Variants in RBFOX1 observed in about 807,000 individuals in gnomAD.
RBFOX1 encodes the protein RNA binding protein fox-1 homolog 1.
In RBFOX1, 8 loss-of-function variants were observed where a neutral mutation model predicts 57.7. The ratio of observed to expected loss-of-function variants is 0.14; its 90% confidence interval spans 0.08 to 0.25. RBFOX1 has a LOEUF of 0.25. Among genes scored for constraint, RBFOX1 ranks in the 10% least tolerant of loss-of-function variants. The pLI, the probability that RBFOX1 is intolerant of heterozygous loss-of-function variation, is 1.00. For missense variants in RBFOX1, 611 were observed against 548.5 expected, an observed-to-expected ratio of 1.11 and a Z score of -1.14; for synonymous variants, 326 against 222.4, an observed-to-expected ratio of 1.47 and a Z score of -4.15.
intron 3 of RBFOX1, among the ~76,000 whole-genome samples, chr16:5,822,970 A>G (rs1221009405): frequency 6.6e-6 from 1 of 152,226 alleles, no homozygotes; most frequent in Non-Finnish European, 1.5e-5. Context: ...TGGTTGCTTC[A>G]GAGGTCTTAG....
At chr16:7,536,316 G>C (rs747709486) in intron 5 of RBFOX1, among the ~76,000 whole-genome samples, 1 of 152,220 alleles carries the variant, frequency 6.6e-6, no homozygotes, top group African/African-American at 2.4e-5. Context: ...ATTAGAGGCT[G>C]GGCGCGGTGG....
rs535344927 is a variant in RBFOX1 at position 7,223,575 on chromosome 16, G to C, written c.27+171477G>C. ...ATTTGCACAGCCAGTAATTGTGCAG[G>C]AGATCCAACTCACATCCACCTCAGC... On this transcript the variant is annotated intron_variant, in intron 4 of 15. Transcript: ENST00000550418. Among the ~76,000 whole-genome samples the C allele has an allele frequency of 2.0e-5, 3 of 152,232 alleles. No homozygotes were observed. The South Asian group carries it at 6.2e-4, about 32-fold the overall frequency.
chr16:6,504,262 G>A (rs552338861), intron 2 of RBFOX1, among the ~76,000 whole-genome samples: 1 of 152,278 alleles, frequency 6.6e-6, no homozygotes, highest in South Asian at 2.1e-4. Flanking sequence ...CTTCTCCACA[G>A]TCCACCTGTT....
chr16:5,704,194 G>A (rs2051153680), intron 3 of RBFOX1, among the ~76,000 whole-genome samples: 1 of 152,188 alleles, frequency 6.6e-6, no homozygotes, highest in African/African-American at 2.4e-5. Flanking sequence ...CCCAGATGGA[G>A]GAGGACAGGA....
At chr16:6,100,917 G>A (rs2096298838) in intron 1 of RBFOX1, among the ~76,000 whole-genome samples, 1 of 152,164 alleles carries the variant, frequency 6.6e-6, no homozygotes. Flanking sequence ...TCAGAGGGAT[G>A]ACTGTGTGGC....
At chr16:7,375,821 A>C (rs906677311) in intron 4 of RBFOX1, among the ~76,000 whole-genome samples, 1 of 152,206 alleles carries the variant, frequency 6.6e-6, no homozygotes, top group African/African-American at 2.4e-5. Flanking sequence ...CTTTGTAATT[A>C]AGACACTAGC....
chr16:5,908,543 C>G (rs34291200), intron 4 of RBFOX1, among the ~76,000 whole-genome samples: 55,864 of 151,236 alleles, frequency 0.37, 10,475 homozygotes, highest in Middle Eastern at 0.5. Flanking sequence ...AGTAGAGAAG[C>G]GTTTTCACCA....
At chr16:6,746,185 C>A (rs1186683544) in intron 3 of RBFOX1, among the ~76,000 whole-genome samples, 1 of 152,018 alleles carries the variant, frequency 6.6e-6, no homozygotes, top group African/African-American at 2.4e-5. Flanking sequence ...ATCTTAGTCT[C>A]CCCTAATTGA....
At chr16:5,401,764 T>TCCTCCTCCTCCTC (rs2066720222) in intron 1 of RBFOX1, among the ~76,000 whole-genome samples, 1 of 103,410 alleles carries the variant, frequency 9.7e-6, no homozygotes, top group African/African-American at 3.4e-5. Context: ...TCCCTGTCTC[T>TCCTCCTCCTCCTC]CTCCTCCTCC....
At chr16:6,169,859 G>A (rs929886980) in intron 1 of RBFOX1, among the ~76,000 whole-genome samples, 2 of 143,652 alleles carry the variant, frequency 1.4e-5, no homozygotes, top group Non-Finnish European at 3.1e-5. Context: ...CTGCCACCTG[G>A]GTTCAAGTGA....
In RBFOX1 at chr16:6,151,141, C is replaced by G. The variant is rs149427520; in HGVS notation, c.-127+131149C>G. 7.9e-4 allele frequency among the ~76,000 whole-genome samples: 120 copies of G among 152,264 alleles called. 1 individual carries two copies. The East Asian group carries it at 0.021, about 27-fold the overall frequency. ...CTCCATAAATACATATTTGCTGAAT[C>G]TCTTTTCCTCCCTTACTCTTCCTGT... is the stretch of plus-strand genomic sequence containing the variant. On this transcript the variant is annotated intron_variant, in intron 1 of 15. Transcript: ENST00000550418.
chr16:6,228,262 G>T (rs1262914547), intron 1 of RBFOX1, among the ~76,000 whole-genome samples: 8 of 152,126 alleles, frequency 5.3e-5, no homozygotes. Context: ...GGCAGAGGTT[G>T]CGGTGAGCTG....
At chr16:6,075,557 A>G (rs1234336137) in intron 1 of RBFOX1, among the ~76,000 whole-genome samples, 5 of 152,222 alleles carry the variant, frequency 3.3e-5, no homozygotes, top group South Asian at 2.1e-4. Context: ...GTCAATTGTA[A>G]GATTTACGCC....
chr16:5,664,620 A>T (rs1468999740), intron 3 of RBFOX1, among the ~76,000 whole-genome samples: 1 of 151,884 alleles, frequency 6.6e-6, no homozygotes, highest in Non-Finnish European at 1.5e-5. Flanking sequence ...TATGCAGCAA[A>T]CTCCCTAAGG....
chr16:5,490,121 G>A (rs1426162540), intron 2 of RBFOX1, among the ~76,000 whole-genome samples: 2 of 152,222 alleles, frequency 1.3e-5, no homozygotes, highest in African/African-American at 4.8e-5. Context: ...CTAGGGAAAT[G>A]GAGAAAGGGT....
At chr16:7,650,573 C>A (rs1031733776) in intron 11 of RBFOX1, among the ~76,000 whole-genome samples, 1 of 152,184 alleles carries the variant, frequency 6.6e-6, no homozygotes, top group East Asian at 1.9e-4. Flanking sequence ...TCCCCTCTCT[C>A]TCTCTTGCCA....
chr16:6,644,160 T>C (rs1425504903), intron 2 of RBFOX1, among the ~76,000 whole-genome samples: 1 of 152,146 alleles, frequency 6.6e-6, no homozygotes, highest in Admixed American at 6.5e-5. Context: ...AAATCACCAG[T>C]ATGCTCTTAG....
intron 3 of RBFOX1, among the ~76,000 whole-genome samples, chr16:5,628,401 G>A (rs1036329215): frequency 1.3e-5 from 2 of 152,070 alleles, no homozygotes; most frequent in African/African-American, 4.8e-5. Flanking sequence ...TGAAAGCTCA[G>A]TCAAAAGGAG....
intron 1 of RBFOX1, among the ~76,000 whole-genome samples, chr16:6,241,101 C>G (rs911225399): frequency 6.6e-6 from 1 of 152,136 alleles, no homozygotes; most frequent in Non-Finnish European, 1.5e-5. Flanking sequence ...GAAATAAAAC[C>G]CAATCTCAAC....
Sources: gnomAD v4.1 joint callset for allele counts (sites outside exome capture counted in the v4.1 genomes callset) on GRCh38, gnomAD v4.1.1 for gene constraint, MANE v1.5 for transcripts, NCBI Gene and HGNC (gene_info 2026-07-23, HGNC 2026-07-21) for gene names.